The following DACH2 variants were observed in gnomAD, a reference collection of about 807,000 sequenced individuals.
DACH2 encodes the protein dachshund homolog 2.
A neutral mutation model predicts 35.8 loss-of-function variants in DACH2; 17 were observed. The observed-to-expected ratio is 0.48, with a 90% CI of 0.33 to 0.71. DACH2 has a LOEUF of 0.71. Among genes scored for constraint, DACH2 ranks in the 30% least tolerant of loss-of-function variants. DACH2 has a pLI of 0.02. For synonymous variants in DACH2, 195 were observed against 177.3 expected, an observed-to-expected ratio of 1.10 and a Z score of -0.79; for missense variants, 469 against 472.7, an observed-to-expected ratio of 0.99 and a Z score of 0.07.
At chrX:86,612,020 C>A (rs937226087) in intron 3 of DACH2, among the ~76,000 whole-genome samples, 1 of 107,406 alleles carries the variant, frequency 9.3e-6, no homozygotes, top group Admixed American at 1.0e-4. Flanking sequence ...TTATATTCAG[C>A]CATCTTGCCC....
chrX:86,675,023 T>C (rs1202922066), intron 4 of DACH2, among the ~76,000 whole-genome samples: 1 of 111,501 alleles, frequency 9.0e-6, no homozygotes, highest in East Asian at 2.8e-4. Context: ...ACTCAAGAAC[T>C]AAAAGATTAT....
chrX:86,267,614 C>G (rs1379348492), intron 1 of DACH2, among the ~76,000 whole-genome samples: 3 of 111,683 alleles, frequency 2.7e-5, no homozygotes, highest in Non-Finnish European at 3.8e-5. Flanking sequence ...CTTTTAGAGC[C>G]CTCAGTTCCC....
chrX:86,183,577 C>T (rs933651337), intron 1 of DACH2, among the ~76,000 whole-genome samples: 16 of 111,656 alleles, frequency 1.4e-4, no homozygotes, highest in Middle Eastern at 4.6e-3. Context: ...TTCGGTTTGA[C>T]GGTATTTTAT....
At chrX:86,273,450 A>G (rs1001334577) in intron 1 of DACH2, among the ~76,000 whole-genome samples, 2 of 112,117 alleles carry the variant, frequency 1.8e-5, no homozygotes, top group Admixed American at 9.5e-5. Flanking sequence ...ATTGTTACAT[A>G]TTTAGTAATG....
intron 1 of DACH2, among the ~76,000 whole-genome samples, chrX:86,193,984 G>A (rs185151915): frequency 7.2e-4 from 79 of 109,782 alleles, no homozygotes; most frequent in African/African-American, 2.4e-3. Flanking sequence ...AATTATTCAC[G>A]TCAACTCTGC....
In DACH2 at chrX:86,249,214, T is replaced by A. The variant is rs774352438; in HGVS notation, c.488+100106T>A. 1.1e-3 allele frequency among the ~76,000 whole-genome samples: 121 copies of A among 111,208 alleles called. 2 individuals are homozygous for A. The highest frequency in any genetic ancestry group is 6.4e-4 in the Non-Finnish European group (34 of 52,730). On this transcript the variant is annotated intron_variant, in intron 1 of 11. Coordinates refer to ENST00000373125, the MANE Select transcript of DACH2 (RefSeq NM_053281.3). ...AAAAACTGATAAGTGGGGCCTAATT[T>A]AACTAAGGAGCTTTTGCAAATCAAA... is the stretch of plus-strand genomic sequence containing the variant.
chrX:86,366,228 G>T (rs1162554340), intron 1 of DACH2, among the ~76,000 whole-genome samples: 1 of 110,729 alleles, frequency 9.0e-6, no homozygotes, highest in African/African-American at 3.3e-5. Context: ...CACTCATGGG[G>T]TTAGGTAATA....
intron 2 of DACH2, among the ~76,000 whole-genome samples, chrX:86,443,583 C>A (rs1347258601): frequency 1.8e-5 from 2 of 109,228 alleles, no homozygotes; most frequent in African/African-American, 6.6e-5. Context: ...AAGTGGGGAT[C>A]CTTTCCAAGT....
rs371252180 is a variant in DACH2 at position 86,272,132 on chromosome X, T to C, written c.489-104692T>C. Among the ~76,000 whole-genome samples, 48 of 110,888 alleles carry C rather than the reference T, an allele frequency of 4.3e-4. No homozygotes were observed. In the South Asian group the frequency reaches 0.018, roughly 41 times the overall value. On this transcript the variant is annotated intron_variant, in intron 1 of 11. Transcript: ENST00000373125. ...TTTCACTTAAGATAATGGCCTCCAGTTCCATCCATGTTGCTGCGAAACATA... is the reference window on the plus strand; with the variant it reads ...TTTCACTTAAGATAATGGCCTCCAGCTCCATCCATGTTGCTGCGAAACATA...
intron 4 of DACH2, among the ~76,000 whole-genome samples, chrX:86,656,682 T>C (rs2040543444): frequency 9.2e-6 from 1 of 108,110 alleles, no homozygotes; most frequent in Non-Finnish European, 1.9e-5. Flanking sequence ...CAAGATCTAC[T>C]CTGGGAATTA....
At chrX:86,817,878 A>C (rs184204767) in intron 11 of DACH2, among the ~76,000 whole-genome samples, 12 of 112,078 alleles carry the variant, frequency 1.1e-4, no homozygotes, top group Non-Finnish European at 1.9e-4. Context: ...CACATTTAAT[A>C]CTTGTTTTCA....
At chrX:86,494,361 T>A (rs1385217111) in intron 2 of DACH2, among the ~76,000 whole-genome samples, 1 of 112,085 alleles carries the variant, frequency 8.9e-6, no homozygotes, top group African/African-American at 3.2e-5. Context: ...AGATACTGAG[T>A]GGCTACTATG....
chrX:86,344,984 T>A (rs762764381), intron 1 of DACH2, among the ~76,000 whole-genome samples: 2 of 112,303 alleles, frequency 1.8e-5, no homozygotes, highest in African/African-American at 6.4e-5. Flanking sequence ...TCTAAAGTAG[T>A]TATGATTAGG....
At chrX:86,249,681 C>CA (rs2033361392) in intron 1 of DACH2, among the ~76,000 whole-genome samples, 2 of 111,345 alleles carry the variant, frequency 1.8e-5, no homozygotes, top group South Asian at 7.5e-4. Context: ...TACCACTTGG[C>CA]ACAGCAATCC....
intron 3 of DACH2, among the ~76,000 whole-genome samples, chrX:86,627,172 A>G (rs2040147971): frequency 8.9e-6 from 1 of 111,872 alleles, no homozygotes; most frequent in Non-Finnish European, 1.9e-5. Context: ...TTGCTGCTTC[A>G]AAATTTCTTC....
At chrX:86,642,872 A>T (rs1321869696) in intron 3 of DACH2, among the ~76,000 whole-genome samples, 4 of 112,048 alleles carry the variant, frequency 3.6e-5, no homozygotes, top group African/African-American at 1.3e-4. Context: ...TAAATAATGA[A>T]ATTAAGACAG....
chrX:86,171,846 G>GT (rs1345264689), intron 1 of DACH2, among the ~76,000 whole-genome samples: 1 of 111,233 alleles, frequency 9.0e-6, no homozygotes, highest in South Asian at 3.8e-4. Context: ...TCTTATGAAG[G>GT]TTTTTTTTCT....
intron 1 of DACH2, among the ~76,000 whole-genome samples, chrX:86,166,007 G>A (rs1006577178): frequency 1.8e-5 from 2 of 111,380 alleles, no homozygotes; most frequent in Non-Finnish European, 3.8e-5. Context: ...TTTGATTTTT[G>A]CATATGGTGA....
At chrX:86,516,251 A>G (rs1045451512) in intron 3 of DACH2, among the ~76,000 whole-genome samples, 6 of 112,079 alleles carry the variant, frequency 5.4e-5, no homozygotes, top group African/African-American at 1.6e-4. Flanking sequence ...TGCCTCCTGA[A>G]ATACATTCCT....
Sources: allele counts gnomAD v4.1 joint callset (sites outside exome capture counted in the v4.1 genomes callset), GRCh38; gene constraint gnomAD v4.1.1; transcripts MANE v1.5; gene names NCBI Gene and HGNC (gene_info 2026-07-23, HGNC 2026-07-21).